KDM4C: variants seen among roughly 807,000 people sequenced by gnomAD.
The protein encoded by KDM4C is lysine-specific demethylase 4C.
In KDM4C, 81 loss-of-function variants were observed where a neutral mutation model predicts 129.3. The observed-to-expected ratio is 0.63, with a 90% confidence interval of 0.52 to 0.75. The LOEUF is 0.75. KDM4C is among the 30% of genes least tolerant of loss of function. The pLI is 0.00. For missense variants in KDM4C, 1,457 were observed against 1,304.0 expected (o/e 1.12, Z -1.81); for synonymous variants, 573 against 456.1 (o/e 1.26, Z -3.26).
At chr9:6,815,437 A>G (rs967694803) in intron 4 of KDM4C, among the ~76,000 whole-genome samples, 1 of 151,468 alleles carries the variant, frequency 6.6e-6, no homozygotes, top group Non-Finnish European at 1.5e-5. Context: ...CTGGTCTTGA[A>G]CTCCTGAGCT....
intron 17 of KDM4C, among the ~76,000 whole-genome samples, chr9:7,094,480 C>G (rs749242434): frequency 2.7e-4 from 41 of 152,210 alleles, no homozygotes; most frequent in Non-Finnish European, 5.0e-4. Flanking sequence ...CCAAATTTAT[C>G]TCATCTAGAA....
At chr9:7,130,440 C>A (rs1258295279) in intron 19 of KDM4C, among the ~76,000 whole-genome samples, 1 of 152,324 alleles carries the variant, frequency 6.6e-6, no homozygotes, top group African/African-American at 2.4e-5. Flanking sequence ...CCCTCCATTT[C>A]CTTCCTCTGT....
chr9:6,995,214 C>T (rs555569617), intron 12 of KDM4C, among the ~76,000 whole-genome samples: 1 of 151,118 alleles, frequency 6.6e-6, no homozygotes, highest in South Asian at 2.1e-4. Flanking sequence ...AAGACTAAGT[C>T]AGTTCAGGAG....
At position 7,064,530 on chromosome 9, in the gene KDM4C, C is replaced by T. The variant is rs73403563; in HGVS notation, c.2424+15330C>T. ...CAGGGTTGGTCAGGCTTGGTGAATA[C>T]TCAGTCACGTTATGGAGCACGACAG... On this transcript the variant is annotated intron_variant, in intron 17 of 21. Coordinates refer to ENST00000381309, the MANE Select transcript of KDM4C (RefSeq NM_015061.6). Among the ~76,000 whole-genome samples the T allele has an allele frequency of 5.7e-3, 867 of 152,288 alleles. 9 individuals carry two copies. Among genetic ancestry groups the T allele is most frequent in the African/African-American group, 0.019 (804 of 41,556 alleles).
At chr9:6,746,205 T>G (rs1352856400) in intron 1 of KDM4C, among the ~76,000 whole-genome samples, 2 of 150,100 alleles carry the variant, frequency 1.3e-5, no homozygotes, top group Non-Finnish European at 3.0e-5. Context: ...TCTCCCAGAG[T>G]GCTGGGATTA....
chr9:6,976,206 C>G (rs1832885347), intron 8 of KDM4C, among the ~76,000 whole-genome samples: 1 of 152,114 alleles, frequency 6.6e-6, no homozygotes, highest in Non-Finnish European at 1.5e-5. Context: ...CTGTTAGTTA[C>G]CACCACCAGA....
intron 15 of KDM4C, among the ~76,000 whole-genome samples, chr9:7,044,513 AG>A (rs1216201309): frequency 6.6e-6 from 1 of 151,968 alleles, no homozygotes; most frequent in African/African-American, 2.4e-5. Context: ...TGGAGAGAAC[AG>A]GGTGGATTTG....
At chr9:7,102,922 C>T (rs933272885) in intron 17 of KDM4C, among the ~76,000 whole-genome samples, 2 of 152,194 alleles carry the variant, frequency 1.3e-5, no homozygotes, top group Non-Finnish European at 2.9e-5. Flanking sequence ...TTTTCTCTAT[C>T]TCTCATAACA....
intron 6 of KDM4C, among the ~76,000 whole-genome samples, chr9:6,886,809 C>G (rs1297207943): frequency 6.6e-6 from 1 of 151,742 alleles, no homozygotes; most frequent in Non-Finnish European, 1.5e-5. Flanking sequence ...TTTAGTAGAA[C>G]CCGGGTTTTG....
chr9:7,040,350 CCT>C (rs1021518876), intron 15 of KDM4C, among the ~76,000 whole-genome samples: 5 of 138,898 alleles, frequency 3.6e-5, no homozygotes, highest in Non-Finnish European at 7.8e-5. Flanking sequence ...TTCCTCTTTC[CCT>C]CTCTCTCTAC....
intron 18 of KDM4C, among the ~76,000 whole-genome samples, chr9:7,123,145 G>C (rs1429389295): frequency 6.6e-6 from 1 of 152,130 alleles, no homozygotes; most frequent in Non-Finnish European, 1.5e-5. Flanking sequence ...TTAGATGAAG[G>C]TTGTGTATTT....
chr9:6,933,843 T>A (rs184856351), intron 8 of KDM4C, among the ~76,000 whole-genome samples: 2 of 151,908 alleles, frequency 1.3e-5, no homozygotes, highest in African/African-American at 2.4e-5. Context: ...CCTGATTTTT[T>A]ATTTTTATTT....
At chr9:7,100,223 C>T (rs889411322) in intron 17 of KDM4C, among the ~76,000 whole-genome samples, 1 of 152,148 alleles carries the variant, frequency 6.6e-6, no homozygotes, top group Admixed American at 6.5e-5. Context: ...AAAACCCTGT[C>T]TCTAATATAA....
intron 1 of KDM4C, among the ~76,000 whole-genome samples, chr9:6,786,684 G>A (rs533177467): frequency 1.3e-5 from 2 of 152,284 alleles, no homozygotes; most frequent in East Asian, 1.9e-4. Flanking sequence ...AGAAACAAGA[G>A]GGACTGGGGA....
intron 18 of KDM4C, 52 bp downstream of exon 18, chr9:7,103,922 C>T (rs769026268): frequency 1.8e-5 from 26 of 1,478,600 alleles, no homozygotes; most frequent in Admixed American, 3.4e-5. Context: ...GGATTTTCTC[C>T]TGTTTTAGAC....
chr9:6,858,029 C>T (rs1021760969), intron 5 of KDM4C, among the ~76,000 whole-genome samples: 1 of 148,718 alleles, frequency 6.7e-6, no homozygotes, highest in African/African-American at 2.5e-5. Flanking sequence ...AGTCATAGCT[C>T]ATTGTAGCCT....
At chr9:6,784,832 C>T (rs993488988) in intron 1 of KDM4C, among the ~76,000 whole-genome samples, 3 of 152,232 alleles carry the variant, frequency 2.0e-5, no homozygotes, top group African/African-American at 4.8e-5. Context: ...GGGGCCCTTT[C>T]AAGCCCTCTT....
chr9:6,889,792 C>T (rs754512457), intron 7 of KDM4C, among the ~76,000 whole-genome samples: 16 of 152,270 alleles, frequency 1.1e-4, no homozygotes, highest in South Asian at 1.0e-3. Flanking sequence ...AAGGCTGATA[C>T]GTGAAGAGAA....
chr9:7,056,763 T>A (rs577914768), intron 17 of KDM4C, among the ~76,000 whole-genome samples: 1 of 152,356 alleles, frequency 6.6e-6, no homozygotes, highest in African/African-American at 2.4e-5. Context: ...AAAAGTAATC[T>A]TATTTTCTAG....
Sources: gnomAD v4.1 joint callset for allele counts (sites outside exome capture counted in the v4.1 genomes callset) on GRCh38, gnomAD v4.1.1 for gene constraint, MANE v1.5 for transcripts, NCBI Gene and HGNC (gene_info 2026-07-23, HGNC 2026-07-21) for gene names.